CAMTA1: variants seen among roughly 807,000 people sequenced by gnomAD.
CAMTA1 encodes the protein calmodulin-binding transcription activator 1.
In CAMTA1, 27 loss-of-function variants were observed where a neutral mutation model predicts 170.9. The ratio of observed to expected loss-of-function variants is 0.16; its 90% confidence interval spans 0.12 to 0.22. The LOEUF is 0.22. Among genes scored for constraint, CAMTA1 ranks in the 10% least tolerant of loss-of-function variants. The pLI, the probability that CAMTA1 is intolerant of heterozygous loss-of-function variation, is 1.00. For synonymous variants in CAMTA1, 833 were observed against 891.5 expected (o/e 0.93, Z 1.17); for missense variants, 1,619 against 2,217.2 (o/e 0.73, Z 5.42).
At chr1:7,054,130 C>T (rs576939992) in intron 3 of CAMTA1, among the ~76,000 whole-genome samples, 1 of 152,342 alleles carries the variant, frequency 6.6e-6, no homozygotes, top group East Asian at 1.9e-4. Context: ...AAACAGGGGT[C>T]CCCTGGGCCT....
At chr1:7,461,065 T>C (rs986558926) in intron 5 of CAMTA1, among the ~76,000 whole-genome samples, 1 of 152,150 alleles carries the variant, frequency 6.6e-6, no homozygotes, top group Non-Finnish European at 1.5e-5. Context: ...GATTTGCTGG[T>C]AAACACCCCT....
chr1:7,024,180 G>C (rs1431382369), intron 3 of CAMTA1, among the ~76,000 whole-genome samples: 1 of 152,312 alleles, frequency 6.6e-6, no homozygotes. Context: ...GCATCTCAGA[G>C]GAGAAGACAG....
Position 7,456,978 on chromosome 1 carries a change from G to T in CAMTA1, c.439-10852G>T, listed in dbSNP as rs2092968552. On this transcript the variant is annotated intron_variant, in intron 5 of 22. Transcript: ENST00000303635. The surrounding 1 kb of genome is among the most constrained non-coding windows in gnomAD (Gnocchi z 4.9). ...GTGGAGCGAGGCCCAGCAGAGTTCG[G>T]CGCCGCCCTCCCGTTCCTCCTCCCT... Among the ~76,000 whole-genome samples the T allele has an allele frequency of 6.6e-6, 1 of 151,630 alleles. No individual in the cohort carries two copies. The highest frequency in any genetic ancestry group is 2.1e-4 in the South Asian group (1 of 4,798).
rs1553247154 is a variant in CAMTA1, at chr1:7,680,872, A to AGCTGCT, written c.2914+3141_2914+3142insTGCTGC. ...CGCGCGCGCGCGCGCCAGCAGCAGC[A>AGCTGCT]GCAGCAGCAGCTGCTGCGGCGAAGT... is the stretch of plus-strand genomic sequence containing the variant. On this transcript the variant is annotated intron_variant, in intron 11 of 22. Transcript: ENST00000303635. The surrounding 1 kb of genome is among the most constrained non-coding windows in gnomAD (Gnocchi z 4.4). Among the ~76,000 whole-genome samples, 24 of 146,352 alleles carry AGCTGCT rather than the reference A, an allele frequency of 1.6e-4. No homozygotes were observed. The highest frequency in any genetic ancestry group is 3.6e-3 in the Middle Eastern group (1 of 274).
chr1:7,478,965 C>T (rs966207043), intron 6 of CAMTA1, among the ~76,000 whole-genome samples: 2 of 152,200 alleles, frequency 1.3e-5, no homozygotes, highest in South Asian at 2.1e-4. Context: ...TTGCCTCTGA[C>T]GTGATTCAAA....
In CAMTA1 at chr1:7,537,216, G is replaced by A. The variant is rs561116376; in HGVS notation, c.510+69315G>A. ...GGTTTATGGGGCGAAGCATGATTGA[G>A]TGGATGGGGCATCAGGGCTGTCTTT... On this transcript the variant is annotated intron_variant, in intron 6 of 22. Transcript: ENST00000303635. 4.4e-4 allele frequency among the ~76,000 whole-genome samples: 67 copies of A among 152,362 alleles called. 2 individuals are homozygous for A. In the South Asian group the frequency reaches 8.9e-3, roughly 20 times the overall value.
chr1:7,549,395 C>T (rs1271378230), intron 6 of CAMTA1, among the ~76,000 whole-genome samples: 3 of 152,094 alleles, frequency 2.0e-5, no homozygotes, highest in Admixed American at 2.0e-4. Context: ...ATTTGACCTT[C>T]TCCTGCCACC....
chr1:7,541,851 G>A (rs909846880), intron 6 of CAMTA1, among the ~76,000 whole-genome samples: 8 of 148,812 alleles, frequency 5.4e-5, no homozygotes, highest in African/African-American at 2.0e-4. Context: ...CTCAGAATGC[G>A]CTGACCACAC....
rs897135783 is a variant in CAMTA1, at chr1:7,064,188, C to T, written c.235-27116C>T. Among the ~76,000 whole-genome samples the T allele has an allele frequency of 6.6e-6, 1 of 151,544 alleles. No homozygotes were observed. The highest frequency in any genetic ancestry group is 1.5e-5 in the Non-Finnish European group (1 of 67,896). ...CCTCTTCCTTCTTCTTCTCCTCCTC[C>T]TCCTCTTCTTTCTCCCCTTTCCTCC... On this transcript the variant is annotated intron_variant, in intron 3 of 22. Coordinates refer to ENST00000303635, the MANE Select transcript of CAMTA1 (RefSeq NM_015215.4). The surrounding 1 kb of genome is among the most constrained non-coding windows in gnomAD (Gnocchi z 5.4).
At chr1:6,890,568 C>CT (rs796766815) in intron 3 of CAMTA1, among the ~76,000 whole-genome samples, 3,002 of 141,196 alleles carry the variant, frequency 0.021, 53 homozygotes, top group African/African-American at 0.053. Context: ...GGACAGTTTT[C>CT]TTTTTTTTTT....
chr1:7,724,499 C>T (rs894267949), intron 11 of CAMTA1, among the ~76,000 whole-genome samples: 6 of 152,162 alleles, frequency 3.9e-5, no homozygotes, highest in African/African-American at 1.4e-4. Flanking sequence ...AGGCCCCAGT[C>T]TACTAGCTCA....
Position 6,914,770 on chromosome 1 carries a change from G to C in CAMTA1, c.234+89560G>C, listed in dbSNP as rs74051058. Among the ~76,000 whole-genome samples the C allele has an allele frequency of 2.6e-3, 401 of 152,354 alleles. 1 individual carries two copies. Among genetic ancestry groups the C allele is most frequent in the African/African-American group, 9.3e-3 (388 of 41,580 alleles). ...CTGGGCTGAGGCGCTCATGTGGCCAGGGAGATGCTGGGAGCCTGCAGACTC... is the reference window on the plus strand; with the variant it reads ...CTGGGCTGAGGCGCTCATGTGGCCACGGAGATGCTGGGAGCCTGCAGACTC... On this transcript the variant is annotated intron_variant, in intron 3 of 22. Transcript: ENST00000303635.
In CAMTA1 at chr1:7,386,480, G is replaced by A. The variant is rs529188512; in HGVS notation, c.439-81350G>A. 8.5e-5 allele frequency among the ~76,000 whole-genome samples: 13 copies of A among 152,312 alleles called. No individual in the cohort carries two copies. The East Asian group carries it at 2.5e-3, about 29-fold the overall frequency. On this transcript the variant is annotated intron_variant, in intron 5 of 22. Coordinates refer to ENST00000303635, the MANE Select transcript of CAMTA1 (RefSeq NM_015215.4). ...GGGCTGGGTTTCCAGCCATGGCTGG[G>A]CCCTCAGCCTGCTCGGTGGAGCATC...
chr1:7,066,193 T>C (rs1708938936), intron 3 of CAMTA1, among the ~76,000 whole-genome samples: 1 of 152,236 alleles, frequency 6.6e-6, no homozygotes, highest in African/African-American at 2.4e-5. Flanking sequence ...ATCGTCTCCT[T>C]TCTAGTGGTT....
Position 7,224,395 on chromosome 1 carries a change from G to A in CAMTA1, c.303-25096G>A, listed in dbSNP as rs956909731. Among the ~76,000 whole-genome samples the A allele has an allele frequency of 4.6e-5, 7 of 152,282 alleles. No homozygotes were observed. Among genetic ancestry groups the A allele is most frequent in the African/African-American group, 1.2e-4 (5 of 41,564 alleles). ...GGGCGCCACAGCTGGATGGCTCAGC[G>A]TCCACCCAAAGGGAAGTGGAAAAAC... On this transcript the variant is annotated intron_variant, in intron 4 of 22. Coordinates refer to ENST00000303635, the MANE Select transcript of CAMTA1 (RefSeq NM_015215.4). This position sits in a 1 kb window ranked among gnomAD's most constrained non-coding sequence, Gnocchi z 5.2.
rs147775807 is a variant in CAMTA1, at chr1:7,155,047, C to G, written c.302+63676C>G. 9.2e-3 allele frequency among the ~76,000 whole-genome samples: 1,407 copies of G among 152,284 alleles called. 13 individuals are homozygous for G. The highest frequency in any genetic ancestry group is 0.015 in the Non-Finnish European group (995 of 68,020). On this transcript the variant is annotated intron_variant, in intron 4 of 22. Transcript: ENST00000303635. The stretch of plus-strand genomic sequence containing the variant: ...CTGTCCACACTGGGCCCTTCTCCAG[C>G]CAGGATGAGTAAAAGGTACACGGCT...
Position 6,965,797 on chromosome 1 carries a change from G to A in CAMTA1, c.235-125507G>A, listed in dbSNP as rs1404291079. The stretch of plus-strand genomic sequence containing the variant: ...CATATCGCCGTGATGAGGTCTGGAT[G>A]GAGCCTGAATGCGGCATTAACTGCA... On this transcript the variant is annotated intron_variant, in intron 3 of 22. Transcript: ENST00000303635. This position sits in a 1 kb window ranked among gnomAD's most constrained non-coding sequence, Gnocchi z 4.1. 1.3e-5 allele frequency among the ~76,000 whole-genome samples: 2 copies of A among 152,196 alleles called. No individual in the cohort carries two copies. The highest frequency in any genetic ancestry group is 2.4e-5 in the African/African-American group (1 of 41,440).
chr1:7,576,480 AAG>A (rs1426727707), intron 6 of CAMTA1, among the ~76,000 whole-genome samples: 1 of 152,194 alleles, frequency 6.6e-6, no homozygotes, highest in East Asian at 1.9e-4. Flanking sequence ...AAAGAGGCCC[AAG>A]AGAGACACCT....
chr1:7,234,072 C>T lies in CAMTA1; in HGVS notation c.303-15419C>T, dbSNP rs1315934962. ...CTTTTCCTTCATCGCTGTTAATACA[C>T]GTGTACCCTTGGTTAATTCGTGTCT... On this transcript the variant is annotated intron_variant, in intron 4 of 22. Coordinates refer to ENST00000303635, the MANE Select transcript of CAMTA1 (RefSeq NM_015215.4). The surrounding 1 kb of genome is among the most constrained non-coding windows in gnomAD (Gnocchi z 5.0). Among the ~76,000 whole-genome samples, 2 of 152,172 alleles carry T rather than the reference C, an allele frequency of 1.3e-5. No homozygotes were observed. Among genetic ancestry groups the T allele is most frequent in the African/African-American group, 4.8e-5 (2 of 41,442 alleles).
Sources: allele counts gnomAD v4.1 joint callset (sites outside exome capture counted in the v4.1 genomes callset), GRCh38; gene constraint gnomAD v4.1.1; non-coding constraint Gnocchi (gnomAD v3.1); transcripts MANE v1.5; gene names NCBI Gene and HGNC (gene_info 2026-07-23, HGNC 2026-07-21).